The following GLB1L3 variants were observed in gnomAD, a reference collection of about 807,000 sequenced individuals.
GLB1L3 encodes the protein galactosidase beta 1 like 3.
A neutral mutation model predicts 89.5 loss-of-function variants in GLB1L3; 89 were observed. The observed-to-expected ratio is 0.99, with a 90% confidence interval of 0.84 to 1.19. The LOEUF is 1.19. GLB1L3 is among the 50% of genes most tolerant of loss of function. The pLI is 0.00. For missense variants in GLB1L3, 812 were observed against 813.3 expected, an observed-to-expected ratio of 1.00 and a Z score of 0.02; for synonymous variants, 314 against 312.3, an observed-to-expected ratio of 1.01 and a Z score of -0.06.
At chr11:134,324,304 A>G (rs1943198117), downstream of GLB1L3, among the ~76,000 whole-genome samples, 2 of 152,222 alleles carry the variant, frequency 1.3e-5, no homozygotes, top group South Asian at 4.1e-4. Flanking sequence ...GATACACAGT[A>G]AAATATAATT....
rs200898250 is a variant in GLB1L3, at chr11:134,308,422, T to C, written c.962-1204T>C. Among the ~76,000 whole-genome samples the C allele has an allele frequency of 2.8e-3, 100 of 36,350 alleles. 2 individuals carry two copies. Among genetic ancestry groups the C allele is most frequent in the Middle Eastern group, 0.02 (1 of 50 alleles). The allele number at this position is 36,350 out of a possible 152,430, so 23.8% of individuals were successfully genotyped here. On this transcript the variant is annotated intron_variant, in intron 10 of 19. Transcript: ENST00000431683. Reference sequence around the variant, plus strand: ...ATCACCATCACCACCACCACCATCATCACCATCACCACCACCACCACCATC... The same window carrying C: ...ATCACCATCACCACCACCACCATCACCACCATCACCACCACCACCACCATC...
In GLB1L3 at chr11:134,283,084, C is replaced by T. The variant is rs146656711; in HGVS notation, c.528-653C>T. Among the ~76,000 whole-genome samples the T allele has an allele frequency of 4.7e-3, 713 of 151,886 alleles. 6 individuals are homozygous for T. Among genetic ancestry groups the T allele is most frequent in the African/African-American group, 0.014 (587 of 41,444 alleles). On this transcript the variant is annotated intron_variant, in intron 5 of 19. Transcript: ENST00000431683. ...CCCCAAGAATTTTTTTTTTTTAAGA[C>T]GGAGTCTTGCTCTCGTCACCCAGGC...
chr11:134,283,699 C>T, intron 5 of GLB1L3, 38 bp from the exon 6 acceptor site: 5 of 1,249,382 alleles, frequency 4.0e-6, no homozygotes, highest in Non-Finnish European at 5.8e-6. Flanking sequence ...CCTCTCCCAA[C>T]CCGTCTCAGA....
At chr11:134,314,665 G>A (rs1023998937) in intron 18 of GLB1L3, among the ~76,000 whole-genome samples, 15 of 152,196 alleles carry the variant, frequency 9.9e-5, no homozygotes, top group African/African-American at 3.6e-4. Context: ...TAACAAGAGG[G>A]AGAGAGCAAA....
chr11:134,308,465 CACCACCAAAT>C (rs1364145375), intron 10 of GLB1L3, among the ~76,000 whole-genome samples: 7 of 37,994 alleles, frequency 1.8e-4, no homozygotes, highest in Non-Finnish European at 3.6e-4. Flanking sequence ...CCACCACCAC[CACCACCAAAT>C]ACCACCACCA....
intron 3 of GLB1L3, among the ~76,000 whole-genome samples, chr11:134,280,926 G>T (rs1378410466): frequency 6.6e-6 from 1 of 151,896 alleles, no homozygotes; most frequent in Non-Finnish European, 1.5e-5. Context: ...GTCCCCTGGG[G>T]GCCCTTCTTG....
At chr11:134,302,959 C>T (rs11821339) in intron 9 of GLB1L3, among the ~76,000 whole-genome samples, 4,076 of 152,236 alleles carry the variant, frequency 0.027, 178 homozygotes, top group African/African-American at 0.093. Flanking sequence ...CATATTTCTA[C>T]CAGTAGACCT....
chr11:134,305,341 T>G, intron 9 of GLB1L3: 1 of 492,770 alleles, frequency 2.0e-6, no homozygotes, highest in East Asian at 3.2e-5. Flanking sequence ...AGGAGAAATT[T>G]GTGCTGTTAG....
chr11:134,308,265 C>CCAT (rs1942363286), intron 10 of GLB1L3, among the ~76,000 whole-genome samples: 1 of 43,848 alleles, frequency 2.3e-5, no homozygotes, highest in Non-Finnish European at 4.6e-5. Context: ...ACCACCACCA[C>CCAT]CACCACCACC....
At position 134,299,316 on chromosome 11, in the gene GLB1L3, G is replaced by A. The variant is rs568115018; in HGVS notation, c.876+6107G>A. On this transcript the variant is annotated intron_variant, in intron 9 of 19. Transcript: ENST00000431683. ...TGTGTCTTATCTGTTTCTGATGATT[G>A]CTTTATCTCTTCCAAGTGTGTTCTT... 1.6e-3 allele frequency among the ~76,000 whole-genome samples: 239 copies of A among 152,032 alleles called. 1 individual carries two copies. The highest frequency in any genetic ancestry group is 3.0e-3 in the Non-Finnish European group (204 of 67,982).
chr11:134,302,045 G>T (rs996544046), intron 9 of GLB1L3, among the ~76,000 whole-genome samples: 2 of 152,054 alleles, frequency 1.3e-5, no homozygotes, highest in Non-Finnish European at 2.9e-5. Flanking sequence ...GCTTAAAGTG[G>T]CTTCTCGCTG....
intron 9 of GLB1L3, 88 bp from the exon 10 acceptor site, chr11:134,307,035 TC>T (rs1942236593): frequency 1.2e-6 from 1 of 829,262 alleles, no homozygotes; most frequent in Non-Finnish European, 2.0e-6. Context: ...ACGCATGAGT[TC>T]CTTAGTTCCC....
At chr11:134,320,122 T>C (rs1349320163), downstream of GLB1L3, among the ~76,000 whole-genome samples, 1 of 152,140 alleles carries the variant, frequency 6.6e-6, no homozygotes, top group Non-Finnish European at 1.5e-5. Flanking sequence ...AACACAGCAC[T>C]TGGCCTAAAT....
At chr11:134,311,281 T>C in intron 13 of GLB1L3, 111 bp downstream of exon 13, 1 of 833,442 alleles carries the variant, frequency 1.2e-6, no homozygotes. Context: ...CTGCATTTCA[T>C]TCAAATTTAG....
intron 13 of GLB1L3, chr11:134,312,139 C>G (rs1016929411): frequency 3.5e-6 from 2 of 565,620 alleles, no homozygotes; most frequent in South Asian, 5.2e-5. Context: ...AACGATTGCT[C>G]CCTCATCACC....
At chr11:134,299,915 C>G (rs1328431562) in intron 9 of GLB1L3, among the ~76,000 whole-genome samples, 3 of 152,110 alleles carry the variant, frequency 2.0e-5, no homozygotes, top group Non-Finnish European at 4.4e-5. Context: ...TGGATTTTAT[C>G]CAGTTAAGAT....
chr11:134,301,982 CT>C (rs1343534762), intron 9 of GLB1L3, among the ~76,000 whole-genome samples: 2 of 152,030 alleles, frequency 1.3e-5, no homozygotes, highest in Non-Finnish European at 2.9e-5. Flanking sequence ...TAATTCATGA[CT>C]TTTTAATATG....
At chr11:134,317,396 TATC>T (rs1943030772) in intron 18 of GLB1L3, among the ~76,000 whole-genome samples, 1 of 152,230 alleles carries the variant, frequency 6.6e-6, no homozygotes, top group African/African-American at 2.4e-5. Flanking sequence ...CTATCAATTT[TATC>T]ATCATCATCA....
chr11:134,292,089 G>A (rs769501811), intron 7 of GLB1L3, 43 bp from the exon 8 acceptor site: 5 of 1,415,708 alleles, frequency 3.5e-6, no homozygotes, highest in Non-Finnish European at 5.0e-6. Context: ...TTTTCCCATG[G>A]GAATGAGGGA....
Sources: gnomAD v4.1 joint callset for allele counts (sites outside exome capture counted in the v4.1 genomes callset) on GRCh38, gnomAD v4.1.1 for gene constraint, MANE v1.5 for transcripts, NCBI Gene and HGNC (gene_info 2026-07-23, HGNC 2026-07-21) for gene names.